The following SWT1 variants were observed in gnomAD, a reference collection of about 807,000 sequenced individuals.
SWT1 encodes transcriptional protein SWT1.
Under a neutral mutation model 107.3 loss-of-function variants are expected in SWT1, and 33 were observed. The ratio of observed to expected loss-of-function variants is 0.31; its 90% CI spans 0.23 to 0.41. The LOEUF is 0.41. Ranked by LOEUF, SWT1 falls within the 10% of genes least tolerant of loss-of-function variation. The probability of loss-of-function intolerance (pLI) is 1.00; values close to 1 mark genes in which losing one functional copy is unlikely to be tolerated. For synonymous variants in SWT1, 345 were observed against 348.3 expected (o/e 0.99, Z 0.11); for missense variants, 898 against 1,028.9 (o/e 0.87, Z 1.74).
At chr1:185,219,614 A>C (rs1411377159) in intron 14 of SWT1, among the ~76,000 whole-genome samples, 1 of 152,188 alleles carries the variant, frequency 6.6e-6, no homozygotes, top group Non-Finnish European at 1.5e-5. Context: ...AGCCAAGACC[A>C]AAAAACTAAG....
chr1:185,291,411 G>A lies in SWT1; in HGVS notation c.*608G>A, dbSNP rs1036948464. On this transcript the variant is annotated 3_prime_UTR_variant, in exon 19 of 19. Coordinates refer to ENST00000367500, the MANE Select transcript of SWT1 (RefSeq NM_017673.7). Reference sequence around the variant, plus strand: ...CCTTCTGTGGGCTTGTCACTTTTCAGTACATTTCTAGTGGGGAAGAGCAGG... The same window carrying A: ...CCTTCTGTGGGCTTGTCACTTTTCAATACATTTCTAGTGGGGAAGAGCAGG... 6.6e-6 allele frequency: 1 copy of A among 152,500 alleles called. No homozygotes were observed. Among genetic ancestry groups the A allele is most frequent in the Non-Finnish European group, 1.5e-5 (1 of 68,022 alleles). 9.4% of individuals were successfully genotyped at this position (152,500 alleles called of 1,614,324 possible).
intron 3 of SWT1, among the ~76,000 whole-genome samples, chr1:185,167,239 G>A (rs890536832): frequency 6.6e-6 from 1 of 152,172 alleles, no homozygotes; most frequent in African/African-American, 2.4e-5. Flanking sequence ...TTCAGAAATC[G>A]AAGTCTAGAA....
intron 10 of SWT1, among the ~76,000 whole-genome samples, chr1:185,193,141 T>C (rs2102416016): frequency 6.6e-6 from 1 of 152,334 alleles, no homozygotes; most frequent in African/African-American, 2.4e-5. Flanking sequence ...ACTCTTTCTC[T>C]GACCCATAGG....
chr1:185,205,447 C>T (rs1185760563), intron 12 of SWT1, among the ~76,000 whole-genome samples: 1 of 152,196 alleles, frequency 6.6e-6, no homozygotes, highest in African/African-American at 2.4e-5. Context: ...TGGCTCACTG[C>T]AACCTCCGCC....
intron 18 of SWT1, among the ~76,000 whole-genome samples, chr1:185,283,329 A>C (rs1200491879): frequency 1.3e-5 from 2 of 152,234 alleles, no homozygotes; most frequent in East Asian, 3.8e-4. Flanking sequence ...TGCTCTTGCC[A>C]GTAGAGTGTC....
chr1:185,194,337 A>C (rs1368596846), intron 10 of SWT1, among the ~76,000 whole-genome samples: 4 of 152,064 alleles, frequency 2.6e-5, no homozygotes, highest in African/African-American at 9.6e-5. Flanking sequence ...GTTTTGTTCC[A>C]TCTGTGCTTT....
chr1:185,229,358 G>T (rs1163772722), intron 15 of SWT1, among the ~76,000 whole-genome samples: 1 of 152,066 alleles, frequency 6.6e-6, no homozygotes, highest in Non-Finnish European at 1.5e-5. Flanking sequence ...AAAGATGATT[G>T]TACCTGGCAA....
chr1:185,219,251 C>A (rs1659451727), intron 14 of SWT1, among the ~76,000 whole-genome samples: 1 of 152,114 alleles, frequency 6.6e-6, no homozygotes, highest in Non-Finnish European at 1.5e-5. Context: ...AAGGTCAAAT[C>A]CTGTTCATGC....
rs527705519 is a variant in SWT1 at position 185,282,309 on chromosome 1, A to G, written c.2573+5641A>G. ...TTTTGGATCTACGTGTAGTTCTGGC[A>G]TTCTTAGGGCTTGGGATCCAGCTTT... is the stretch of plus-strand genomic sequence containing the variant. On this transcript the variant is annotated intron_variant, in intron 18 of 18. Coordinates refer to ENST00000367500, the MANE Select transcript of SWT1 (RefSeq NM_017673.7). Among the ~76,000 whole-genome samples, 119 of 152,050 alleles carry G rather than the reference A, an allele frequency of 7.8e-4. 1 individual carries two copies. The Middle Eastern group carries it at 0.01, about 13-fold the overall frequency.
chr1:185,160,710 A>G (rs1398848394), intron 1 of SWT1, 123 bp from the exon 2 acceptor site: 1 of 697,308 alleles, frequency 1.4e-6, no homozygotes. Context: ...TCAAAAAAAA[A>G]TAAAATAAAA....
At position 185,220,654 on chromosome 1, in the gene SWT1, A is replaced by G. The variant is rs533802858; in HGVS notation, c.2122-1195A>G. 8.7e-4 allele frequency among the ~76,000 whole-genome samples: 132 copies of G among 152,262 alleles called. 2 individuals carry two copies. The South Asian group carries it at 0.027, about 31-fold the overall frequency. On this transcript the variant is annotated intron_variant, in intron 14 of 18. Transcript: ENST00000367500. ...TATCTTTACCTGGATAACTTTTTAT[A>G]CCTCAAACTCAACATATACCTAAAA... is the stretch of plus-strand genomic sequence containing the variant.
intron 16 of SWT1, among the ~76,000 whole-genome samples, chr1:185,252,604 C>T (rs1442278658): frequency 6.6e-6 from 1 of 151,852 alleles, no homozygotes; most frequent in Non-Finnish European, 1.5e-5. Flanking sequence ...CTGTTCATGT[C>T]CTTCGCCCAC....
At position 185,290,419 on chromosome 1, in the gene SWT1, GT is replaced by G. The variant is rs1479351259; in HGVS notation, c.2574-246del. On this transcript the variant is annotated intron_variant, in intron 18 of 18. Transcript: ENST00000367500. ...TGCTGAGACTCTATCTCTAAAAAAAGTTTTTTTTTAAATAGTAATTTTAAAA... is the reference window on the plus strand; with the variant it reads ...TGCTGAGACTCTATCTCTAAAAAAAGTTTTTTTTAAATAGTAATTTTAAAA... 2.0e-5 allele frequency among the ~76,000 whole-genome samples: 3 copies of G among 151,456 alleles called. No homozygotes were observed. In the South Asian group the frequency reaches 6.3e-4, roughly 32 times the overall value.
chr1:185,160,309 TG>T (rs1420718882), intron 1 of SWT1, among the ~76,000 whole-genome samples: 1 of 151,844 alleles, frequency 6.6e-6, no homozygotes, highest in Non-Finnish European at 1.5e-5. Context: ...CCTGGAAAGG[TG>T]ATAGATGAAG....
intron 18 of SWT1, among the ~76,000 whole-genome samples, chr1:185,280,082 G>T (rs1336753): frequency 6.6e-6 from 1 of 151,780 alleles, no homozygotes; most frequent in East Asian, 1.9e-4. Context: ...CCCTACGTTT[G>T]GAGGGAGAGA....
intron 18 of SWT1, among the ~76,000 whole-genome samples, chr1:185,282,926 T>C (rs751860123): frequency 7.9e-5 from 12 of 152,172 alleles, no homozygotes; most frequent in Non-Finnish European, 1.5e-4. Context: ...CATGACTCCC[T>C]CTTCAGGTTC....
chr1:185,174,583 C>T lies in SWT1; in HGVS notation c.436C>T (p.His146Tyr). Residue 146 changes from histidine (H) to tyrosine (Y), a missense_variant, in exon 5 of 19, where the codon CAT (histidine) becomes TAT (tyrosine). His to Tyr is a moderately conservative substitution (Grantham distance 83). Around this residue, in one of 6 missense-constraint regions of SWT1, gnomAD observed 382 missense variants for 362.4 expected, o/e 1.05. Coordinates refer to ENST00000367500, the MANE Select transcript of SWT1 (RefSeq NM_017673.7). The stretch of plus-strand genomic sequence containing the variant: ...GACAAATGCTGGGAGCAAGCTTGAC[C>T]ATGGAATTAAAAGCCTTAGTAGTCC... ...KLTNAGSKLD[H>Y]GIKSLSSPKI... 6.2e-7 allele frequency: 1 copy of T among 1,608,138 alleles called. No homozygotes were observed. The highest frequency in any genetic ancestry group is 1.1e-5 in the South Asian group (1 of 89,398).
chr1:185,280,236 G>T (rs1664533247), intron 18 of SWT1, among the ~76,000 whole-genome samples: 2 of 152,126 alleles, frequency 1.3e-5, no homozygotes, highest in African/African-American at 4.8e-5. Context: ...TGCAAAGAAG[G>T]TGCCTTGCTT....
chr1:185,285,193 G>A (rs1269064468), intron 18 of SWT1, among the ~76,000 whole-genome samples: 1 of 152,124 alleles, frequency 6.6e-6, no homozygotes, highest in East Asian at 1.9e-4. Context: ...ATGCAGAGAG[G>A]CAGCAGCCTT....
Sources: gnomAD v4.1 joint callset for allele counts (sites outside exome capture counted in the v4.1 genomes callset) on GRCh38, gnomAD v4.1.1 for gene constraint, gnomAD v4.1.1 regional missense constraint, MANE v1.5 for transcripts, NCBI Gene and HGNC (gene_info 2026-07-23, HGNC 2026-07-21) for gene names.